Variants in SSH2 observed in about 807,000 individuals in gnomAD.
SSH2 encodes slingshot protein phosphatase 2, also known as protein phosphatase Slingshot homolog 2.
Under a neutral mutation model 135.2 loss-of-function variants are expected in SSH2, and 37 were observed. That is an observed-to-expected ratio of 0.27 (90% CI 0.21 to 0.36). SSH2 has a LOEUF of 0.36. Among genes scored for constraint, SSH2 ranks in the 10% least tolerant of loss-of-function variants. The pLI is 1.00. For missense variants in SSH2, 1,408 were observed against 1,765.3 expected (o/e 0.80, Z 3.63); for synonymous variants, 628 against 646.2 (o/e 0.97, Z 0.43).
intron 2 of SSH2, among the ~76,000 whole-genome samples, chr17:29,828,926 G>A (rs969284919): frequency 6.6e-6 from 1 of 152,162 alleles, no homozygotes; most frequent in African/African-American, 2.4e-5. Flanking sequence ...CCCCAGTGGC[G>A]TTAAAGTAAG....
chr17:29,799,026 G>T (rs1047894362), intron 2 of SSH2, among the ~76,000 whole-genome samples: 5 of 151,962 alleles, frequency 3.3e-5, no homozygotes, highest in East Asian at 1.9e-4. Flanking sequence ...TTGTTTGAGG[G>T]CTTAAAAACT....
At chr17:29,822,234 A>T (rs2042666118) in intron 2 of SSH2, among the ~76,000 whole-genome samples, 1 of 152,232 alleles carries the variant, frequency 6.6e-6, no homozygotes, top group Admixed American at 6.5e-5. Context: ...GTAAATGAGT[A>T]CTGCACTTCC....
At chr17:29,642,571 C>T (rs570787571) in intron 14 of SSH2, among the ~76,000 whole-genome samples, 1 of 151,718 alleles carries the variant, frequency 6.6e-6, no homozygotes, top group Non-Finnish European at 1.5e-5. Flanking sequence ...AGACACCACC[C>T]CCCCCACCGC....
chr17:29,681,606 T>A (rs1209301121), intron 6 of SSH2, among the ~76,000 whole-genome samples: 1 of 151,898 alleles, frequency 6.6e-6, no homozygotes, highest in Non-Finnish European at 1.5e-5. Context: ...TCTATTATTT[T>A]ATAACTTAAA....
chr17:29,906,812 GA>G (rs1222794134), intron 1 of SSH2, among the ~76,000 whole-genome samples: 1 of 152,154 alleles, frequency 6.6e-6, no homozygotes, highest in African/African-American at 2.4e-5. Flanking sequence ...AAACCACAAT[GA>G]GAAACTATCT....
chr17:29,757,102 A>G (rs992439244), intron 3 of SSH2, among the ~76,000 whole-genome samples: 7 of 152,170 alleles, frequency 4.6e-5, no homozygotes, highest in African/African-American at 1.7e-4. Context: ...CCCAAATACA[A>G]AATCTTTTGA....
chr17:29,890,559 C>T (rs993670399), intron 1 of SSH2, among the ~76,000 whole-genome samples: 1 of 152,168 alleles, frequency 6.6e-6, no homozygotes, highest in African/African-American at 2.4e-5. Context: ...TATGATCCCA[C>T]TCATAGGCCA....
At chr17:29,849,705 A>C (rs2151388383) in intron 1 of SSH2, among the ~76,000 whole-genome samples, 1 of 150,888 alleles carries the variant, frequency 6.6e-6, no homozygotes, top group East Asian at 2.0e-4. Flanking sequence ...TGTTCATATG[A>C]GCCAAGAGAC....
intron 1 of SSH2, among the ~76,000 whole-genome samples, chr17:29,916,112 C>T (rs2066877301): frequency 6.6e-6 from 1 of 151,364 alleles, no homozygotes; most frequent in South Asian, 2.1e-4. Context: ...ATGTGAATTA[C>T]ATTGTCATAA....
chr17:29,686,430 C>A (rs879704943), intron 5 of SSH2, among the ~76,000 whole-genome samples: 1 of 151,076 alleles, frequency 6.6e-6, no homozygotes, highest in East Asian at 2.0e-4. Flanking sequence ...GGTGTGATCT[C>A]GGCTCACTGC....
In SSH2 at chr17:29,749,436, G is replaced by A. The variant is rs146125979; in HGVS notation, c.188+44458C>T. On this transcript the variant is annotated intron_variant, in intron 3 of 15. Coordinates refer to ENST00000540801, the MANE Select transcript of SSH2 (RefSeq NM_001282129.2). Reference sequence around the variant, plus strand: ...TATAGGTGGAAAACCTGTACAGCATGTTACTATACTGAATACTGTAGGCCA... The same window carrying A: ...TATAGGTGGAAAACCTGTACAGCATATTACTATACTGAATACTGTAGGCCA... 4.0e-3 allele frequency among the ~76,000 whole-genome samples: 606 copies of A among 152,270 alleles called. 3 individuals are homozygous for A. The highest frequency in any genetic ancestry group is 7.2e-3 in the Non-Finnish European group (493 of 68,014).
At chr17:29,731,196 T>C (rs1468737395) in intron 3 of SSH2, among the ~76,000 whole-genome samples, 5 of 152,196 alleles carry the variant, frequency 3.3e-5, no homozygotes, top group African/African-American at 1.2e-4. Context: ...AATAGACAGG[T>C]GACCTGGAGT....
chr17:29,869,722 A>C (rs79921965), intron 1 of SSH2, among the ~76,000 whole-genome samples: 9,240 of 152,290 alleles, frequency 0.061, 519 homozygotes, highest in African/African-American at 0.15. Context: ...CTCTGAAAAG[A>C]AAATTGCAGG....
intron 5 of SSH2, 94 bp from the exon 6 acceptor site, chr17:29,684,778 C>T: frequency 8.2e-7 from 1 of 1,219,856 alleles, no homozygotes; most frequent in Non-Finnish European, 1.1e-6. Context: ...AAAGCATACT[C>T]ACGAAGGCAG....
At chr17:29,841,494 C>CT (rs2043040638) in intron 2 of SSH2, among the ~76,000 whole-genome samples, 1 of 152,114 alleles carries the variant, frequency 6.6e-6, no homozygotes, top group South Asian at 2.1e-4. Context: ...CAGTATCTTG[C>CT]TTTTAACAGA....
chr17:29,911,005 T>C (rs2066754823), intron 1 of SSH2, among the ~76,000 whole-genome samples: 1 of 152,132 alleles, frequency 6.6e-6, no homozygotes, highest in Non-Finnish European at 1.5e-5. Context: ...TCTTGGCTGA[T>C]GTGGCAGAAA....
At chr17:29,898,845 A>G (rs1373920468) in intron 1 of SSH2, among the ~76,000 whole-genome samples, 9 of 152,224 alleles carry the variant, frequency 5.9e-5, no homozygotes. Flanking sequence ...AATTTTAACC[A>G]ATATCCCTGA....
chr17:29,833,243 T>C (rs924699655), intron 2 of SSH2, among the ~76,000 whole-genome samples: 2 of 152,208 alleles, frequency 1.3e-5, no homozygotes, highest in Non-Finnish European at 2.9e-5. Context: ...TCTAATAATA[T>C]TTGCTTTATA....
chr17:29,763,075 A>G (rs1041523151), intron 3 of SSH2, among the ~76,000 whole-genome samples: 1 of 152,266 alleles, frequency 6.6e-6, no homozygotes, highest in African/African-American at 2.4e-5. Context: ...TTTTCAAGAT[A>G]CTAGTAATGA....
Sources: gnomAD v4.1 joint callset for allele counts (sites outside exome capture counted in the v4.1 genomes callset) on GRCh38, gnomAD v4.1.1 for gene constraint, MANE v1.5 for transcripts, NCBI Gene and HGNC (gene_info 2026-07-23, HGNC 2026-07-21) for gene names.